Variants in EEFSEC observed in about 807,000 individuals in gnomAD.
EEFSEC encodes the protein eukaryotic elongation factor, selenocysteine-tRNA specific, also known as selenocysteine-specific elongation factor.
A neutral mutation model predicts 42.1 loss-of-function variants in EEFSEC; 43 were observed. The observed-to-expected ratio is 1.02, with a 90% confidence interval of 0.80 to 1.32. EEFSEC has a LOEUF of 1.32. Ranked by LOEUF, EEFSEC falls within the 40% of genes most tolerant of loss-of-function variation. EEFSEC has a pLI of 0.00. For missense variants in EEFSEC, 745 were observed against 803.6 expected (o/e 0.93, Z 0.88); for synonymous variants, 354 against 339.1 (o/e 1.04, Z -0.48).
chr3:128,343,397 G>A (rs1160717238), intron 5 of EEFSEC, among the ~76,000 whole-genome samples: 2 of 152,070 alleles, frequency 1.3e-5, no homozygotes, highest in Non-Finnish European at 2.9e-5. Flanking sequence ...TCAAGTGGGG[G>A]ACTGAGGAGC....
At chr3:128,164,096 A>G (rs1397890489) in intron 1 of EEFSEC, among the ~76,000 whole-genome samples, 3 of 152,146 alleles carry the variant, frequency 2.0e-5, no homozygotes, top group Non-Finnish European at 4.4e-5. Flanking sequence ...CCATGGAGAC[A>G]TTTGGGCTGG....
At position 128,266,682 on chromosome 3, in the gene EEFSEC, GTGTTAGGA is replaced by G. The variant is rs532385425; in HGVS notation, c.786+1905_786+1912del. ...AGCCCTGGAACCTGGCCAGAGCTGG[GTGTTAGGA>G]TGTCCCCCAGACACTGTGAGTCACA... On this transcript the variant is annotated intron_variant, in intron 4 of 6. Coordinates refer to ENST00000254730, the MANE Select transcript of EEFSEC (RefSeq NM_021937.5). 2.0e-3 allele frequency among the ~76,000 whole-genome samples: 302 copies of G among 151,222 alleles called. 1 individual carries two copies. Among genetic ancestry groups the G allele is most frequent in the African/African-American group, 7.0e-3 (288 of 41,378 alleles).
At chr3:128,158,405 T>C (rs1175619680) in intron 1 of EEFSEC, among the ~76,000 whole-genome samples, 1 of 152,208 alleles carries the variant, frequency 6.6e-6, no homozygotes, top group East Asian at 1.9e-4. Context: ...ATCAAACAGC[T>C]TCACATGCTA....
At chr3:128,236,983 G>C (rs1275183433) in intron 1 of EEFSEC, among the ~76,000 whole-genome samples, 2 of 152,238 alleles carry the variant, frequency 1.3e-5, no homozygotes. Flanking sequence ...ACTGTTGTCT[G>C]TCTGGCCTCT....
rs2066623131 is a variant in EEFSEC, at chr3:128,289,710, A to G, written c.786+24929A>G. On this transcript the variant is annotated intron_variant, in intron 4 of 6. Coordinates refer to ENST00000254730, the MANE Select transcript of EEFSEC (RefSeq NM_021937.5). ...TGTGCTACCTTTGGGACCTTTGCTC[A>G]CTTCTCTGCACCGCCCTTCCAGCCA... Among the ~76,000 whole-genome samples, 2 of 152,158 alleles carry G rather than the reference A, an allele frequency of 1.3e-5. 1 individual carries two copies. Among genetic ancestry groups the G allele is most frequent in the South Asian group, 4.1e-4 (2 of 4,826 alleles).
At chr3:128,191,509 CA>C (rs1255764845) in intron 1 of EEFSEC, among the ~76,000 whole-genome samples, 4 of 152,104 alleles carry the variant, frequency 2.6e-5, no homozygotes, top group Non-Finnish European at 5.9e-5. Flanking sequence ...TTTAAATGTA[CA>C]ATTCAGTGGC....
At chr3:128,395,726 C>T (rs537238598) in intron 6 of EEFSEC, among the ~76,000 whole-genome samples, 2 of 152,304 alleles carry the variant, frequency 1.3e-5, no homozygotes, top group African/African-American at 4.8e-5. Context: ...CAGCCAGGAA[C>T]GGGGCCCAGC....
chr3:128,167,828 A>G (rs763444835), intron 1 of EEFSEC, among the ~76,000 whole-genome samples: 3 of 152,140 alleles, frequency 2.0e-5, no homozygotes, highest in Non-Finnish European at 4.4e-5. Context: ...TCCTTTCTCC[A>G]TGCAGTTCAA....
chr3:128,392,525 G>A (rs1316199636), intron 6 of EEFSEC, among the ~76,000 whole-genome samples: 1 of 152,218 alleles, frequency 6.6e-6, no homozygotes, highest in Non-Finnish European at 1.5e-5. Context: ...TTCTGGACAG[G>A]ATCTACTTCC....
chr3:128,190,705 A>G (rs2065514860), intron 1 of EEFSEC, among the ~76,000 whole-genome samples: 1 of 152,108 alleles, frequency 6.6e-6, no homozygotes, highest in Non-Finnish European at 1.5e-5. Flanking sequence ...TCACTCAACC[A>G]CTCACTCACT....
chr3:128,245,088 C>A (rs1030523010), intron 1 of EEFSEC, among the ~76,000 whole-genome samples: 21 of 152,346 alleles, frequency 1.4e-4, no homozygotes, highest in Admixed American at 1.2e-3. Context: ...CCCCGACCCC[C>A]GCTCCTGCCC....
In EEFSEC at chr3:128,246,252, G is replaced by A. The variant is rs78807129; in HGVS notation, c.317-584G>A. On this transcript the variant is annotated intron_variant, in intron 1 of 6. Coordinates refer to ENST00000254730, the MANE Select transcript of EEFSEC (RefSeq NM_021937.5). The stretch of plus-strand genomic sequence containing the variant: ...CACGCACACACACACACACACACAC[G>A]CACACAAATGTTCAGTACTTAGCGA... Among the ~76,000 whole-genome samples the A allele has an allele frequency of 3.8e-3, 531 of 140,808 alleles. 1 individual carries two copies. Among genetic ancestry groups the A allele is most frequent in the African/African-American group, 0.014 (492 of 36,228 alleles). 92.4% of individuals were successfully genotyped at this position (140,808 alleles called of 152,430 possible).
At chr3:128,164,739 G>A (rs905260607) in intron 1 of EEFSEC, among the ~76,000 whole-genome samples, 10 of 152,270 alleles carry the variant, frequency 6.6e-5, no homozygotes, top group Non-Finnish European at 1.5e-4. Flanking sequence ...TGGGGTATCA[G>A]GCCAAGCTTC....
intron 4 of EEFSEC, among the ~76,000 whole-genome samples, chr3:128,322,483 C>T (rs930005739): frequency 2.6e-5 from 4 of 152,248 alleles, no homozygotes; most frequent in Admixed American, 6.5e-5. Context: ...AGGCTGACAG[C>T]CTGGTGGGGT....
intron 4 of EEFSEC, among the ~76,000 whole-genome samples, chr3:128,287,522 G>C (rs1393225379): frequency 6.6e-6 from 1 of 152,218 alleles, no homozygotes; most frequent in Non-Finnish European, 1.5e-5. Flanking sequence ...GCAAAGCAAG[G>C]CTAGCTGTAG....
At chr3:128,395,308 A>G (rs565234027) in intron 6 of EEFSEC, among the ~76,000 whole-genome samples, 2 of 152,338 alleles carry the variant, frequency 1.3e-5, no homozygotes, top group East Asian at 1.9e-4. Context: ...CAGGGCAGCC[A>G]TCAGTGGCCC....
chr3:128,344,122 GA>G (rs983222003), intron 5 of EEFSEC, among the ~76,000 whole-genome samples: 1 of 152,240 alleles, frequency 6.6e-6, no homozygotes, highest in African/African-American at 2.4e-5. Flanking sequence ...GGCTCTAGCT[GA>G]ATGGGCACCT....
chr3:128,186,954 C>T (rs1348624430), intron 1 of EEFSEC, among the ~76,000 whole-genome samples: 1 of 152,200 alleles, frequency 6.6e-6, no homozygotes, highest in Non-Finnish European at 1.5e-5. Flanking sequence ...GTGTGAGCTC[C>T]ATGGCACACC....
At chr3:128,336,738 C>G (rs912842847) in intron 4 of EEFSEC, among the ~76,000 whole-genome samples, 2 of 152,236 alleles carry the variant, frequency 1.3e-5, no homozygotes, top group South Asian at 4.1e-4. Flanking sequence ...GTTGTTCGCT[C>G]TCATACAGCC....
Sources: gnomAD v4.1 joint callset for allele counts (sites outside exome capture counted in the v4.1 genomes callset) on GRCh38, gnomAD v4.1.1 for gene constraint, MANE v1.5 for transcripts, NCBI Gene and HGNC (gene_info 2026-07-23, HGNC 2026-07-21) for gene names.